WWOX: variants seen among roughly 807,000 people sequenced by gnomAD.
The protein encoded by WWOX is WW domain-containing oxidoreductase.
WWOX carries 69 observed loss-of-function variants against 46.2 expected under a neutral mutation model. That is an observed-to-expected ratio of 1.49 (90% CI 1.23 to 1.82). The LOEUF is 1.82. Among genes scored for constraint, WWOX ranks in the 40% most tolerant of loss-of-function variants. The pLI is 0.00. For missense variants in WWOX, 919 were observed against 542.6 expected (o/e 1.69, Z -6.89); for synonymous variants, 359 against 202.6 (o/e 1.77, Z -6.56).
intron 8 of WWOX, among the ~76,000 whole-genome samples, chr16:78,849,259 G>A (rs1204505360): frequency 1.3e-5 from 2 of 152,124 alleles, no homozygotes; most frequent in Non-Finnish European, 2.9e-5. Context: ...AAATTGCGAA[G>A]TCACGAAGTT....
At chr16:79,179,441 C>A (rs529231010) in intron 8 of WWOX, among the ~76,000 whole-genome samples, 41 of 152,328 alleles carry the variant, frequency 2.7e-4, no homozygotes, top group Non-Finnish European at 4.3e-4. Context: ...CTAACTAATG[C>A]AGTATGTGAC....
intron 8 of WWOX, among the ~76,000 whole-genome samples, chr16:78,923,564 C>A (rs534720345): frequency 1.3e-5 from 2 of 151,968 alleles, no homozygotes; most frequent in African/African-American, 4.8e-5. Context: ...TATAAATTTT[C>A]CATTCATAGT....
chr16:78,380,748 C>A (rs146595048), intron 5 of WWOX, among the ~76,000 whole-genome samples: 1 of 152,162 alleles, frequency 6.6e-6, no homozygotes, highest in Non-Finnish European at 1.5e-5. Flanking sequence ...ACTCCCACTT[C>A]ACAGAGGAGC....
intron 8 of WWOX, among the ~76,000 whole-genome samples, chr16:78,950,521 CACACACACACAT>C (rs1278662502): frequency 4.8e-5 from 5 of 104,874 alleles, no homozygotes; most frequent in Non-Finnish European, 7.7e-5. Flanking sequence ...TAAAGGAACA[CACACACACACAT>C]ACACACACAC....
chr16:78,925,908 G>A (rs1185984161), intron 8 of WWOX, among the ~76,000 whole-genome samples: 2 of 152,270 alleles, frequency 1.3e-5, no homozygotes, highest in East Asian at 3.9e-4. Context: ...TCAGAATGAA[G>A]GTAGAATGTG....
intron 6 of WWOX, among the ~76,000 whole-genome samples, chr16:78,414,475 A>G (rs1486910801): frequency 6.6e-6 from 1 of 152,216 alleles, no homozygotes; most frequent in Non-Finnish European, 1.5e-5. Context: ...AGGTTGAGGC[A>G]CGAGGATCAC....
At chr16:78,549,998 G>A (rs2044137531) in intron 8 of WWOX, among the ~76,000 whole-genome samples, 1 of 152,174 alleles carries the variant, frequency 6.6e-6, no homozygotes, top group African/African-American at 2.4e-5. Context: ...ACAATGAAGG[G>A]AAATGCCTAG....
intron 8 of WWOX, among the ~76,000 whole-genome samples, chr16:78,544,220 C>G (rs1042432937): frequency 5.3e-5 from 8 of 152,206 alleles, no homozygotes; most frequent in African/African-American, 1.9e-4. Context: ...AGAACTGACA[C>G]TAATATTCTC....
intron 5 of WWOX, among the ~76,000 whole-genome samples, chr16:78,270,777 G>C (rs1042458471): frequency 9.9e-5 from 15 of 152,008 alleles, no homozygotes; most frequent in Non-Finnish European, 4.4e-5. Flanking sequence ...ATGGCCCAAA[G>C]GCTAACTCCA....
chr16:78,754,511 T>C (rs949938022), intron 8 of WWOX, among the ~76,000 whole-genome samples: 1 of 152,206 alleles, frequency 6.6e-6, no homozygotes, highest in Non-Finnish European at 1.5e-5. Flanking sequence ...GATTTCCTGC[T>C]CTTAAGGTTT....
chr16:79,038,473 A>T (rs1317254628), intron 8 of WWOX, among the ~76,000 whole-genome samples: 1 of 152,198 alleles, frequency 6.6e-6, no homozygotes, highest in Non-Finnish European at 1.5e-5. Context: ...AAGGAAATTT[A>T]TTGAGATGTT....
chr16:78,310,441 T>G (rs2080218703), intron 5 of WWOX, among the ~76,000 whole-genome samples: 2 of 152,226 alleles, frequency 1.3e-5, no homozygotes, highest in Admixed American at 1.3e-4. Flanking sequence ...GGAAGCTAAT[T>G]TGTTTTCAGC....
At chr16:78,769,354 C>T (rs2050006037) in intron 8 of WWOX, among the ~76,000 whole-genome samples, 1 of 152,204 alleles carries the variant, frequency 6.6e-6, no homozygotes, top group East Asian at 1.9e-4. Flanking sequence ...ATGTCTCTTG[C>T]TCCGCCCCCT....
intron 5 of WWOX, among the ~76,000 whole-genome samples, chr16:78,219,292 A>T (rs1597366736): frequency 6.6e-6 from 1 of 152,238 alleles, no homozygotes; most frequent in Non-Finnish European, 1.5e-5. Context: ...CTAGATGAAC[A>T]TTGAGTGTTT....
At chr16:78,374,719 T>G (rs1008281634) in intron 5 of WWOX, among the ~76,000 whole-genome samples, 2 of 151,926 alleles carry the variant, frequency 1.3e-5, no homozygotes, top group Non-Finnish European at 2.9e-5. Flanking sequence ...TGGCTAATTT[T>G]TTTTGTATTA....
chr16:78,590,942 G>A (rs2045336236), intron 8 of WWOX, among the ~76,000 whole-genome samples: 2 of 152,250 alleles, frequency 1.3e-5, no homozygotes, highest in South Asian at 4.2e-4. Flanking sequence ...CACACGTATG[G>A]AGGAGTAATA....
chr16:78,418,009 T>A (rs1022090981), intron 6 of WWOX, among the ~76,000 whole-genome samples: 2 of 152,164 alleles, frequency 1.3e-5, no homozygotes, highest in African/African-American at 4.8e-5. Context: ...ACAACAACAG[T>A]GATTAAATAC....
At chr16:78,928,203 C>CTT (rs969068848) in intron 8 of WWOX, among the ~76,000 whole-genome samples, 1,480 of 134,190 alleles carry the variant, frequency 0.011, 16 homozygotes, top group East Asian at 0.043. Flanking sequence ...TACCACTTTT[C>CTT]TTTTTTTTTT....
chr16:78,161,412 T>TTCTC (rs368912282), intron 4 of WWOX, among the ~76,000 whole-genome samples: 4 of 150,740 alleles, frequency 2.7e-5, no homozygotes, highest in East Asian at 1.9e-4. Flanking sequence ...CCTTTTTCCT[T>TTCTC]TCTCTCTCTC....
Sources: allele counts gnomAD v4.1 joint callset (sites outside exome capture counted in the v4.1 genomes callset), GRCh38; gene constraint gnomAD v4.1.1; transcripts MANE v1.5; gene names NCBI Gene and HGNC (gene_info 2026-07-23, HGNC 2026-07-21).